The following RBM18 variants were observed in gnomAD, a reference collection of about 807,000 sequenced individuals.
RBM18 encodes probable RNA-binding protein 18.
In RBM18, 18 loss-of-function variants were observed where a neutral mutation model predicts 26.4. The ratio of observed to expected loss-of-function variants is 0.68; its 90% CI spans 0.47 to 1.01. The LOEUF is 1.01. Ranked by LOEUF, RBM18 falls within the 50% of genes least tolerant of loss-of-function variation. The pLI is 0.00. For missense variants in RBM18, 180 were observed against 219.2 expected, an observed-to-expected ratio of 0.82 and a Z score of 1.13; for synonymous variants, 74 against 81.1, an observed-to-expected ratio of 0.91 and a Z score of 0.47.
Position 122,239,126 on chromosome 9 carries a change from T to C in RBM18, c.*2758A>G, listed in dbSNP as rs993672132. On this transcript the variant is annotated 3_prime_UTR_variant, in exon 6 of 6. Coordinates refer to ENST00000417201, the MANE Select transcript of RBM18 (RefSeq NM_033117.4). ...AAAGAATCACAGATATATTTGTTGA[T>C]TCAGAAACTGTGCATATCTTAATAA... 1 of 152,240 alleles carries C rather than the reference T, an allele frequency of 6.6e-6. No homozygotes were observed. The highest frequency in any genetic ancestry group is 6.5e-5 in the Admixed American group (1 of 15,290). The allele number at this position is 152,240 out of a possible 1,614,324, so 9.4% of individuals were successfully genotyped here. A position where few individuals can be genotyped will look rare whatever the true frequency, so the allele number is the denominator to read the frequency against.
chr9:122,251,493 A>G (rs1831605573), intron 3 of RBM18, among the ~76,000 whole-genome samples: 1 of 152,226 alleles, frequency 6.6e-6, no homozygotes. Context: ...GTACCACAGG[A>G]CAAAACTACT....
intron 1 of RBM18, among the ~76,000 whole-genome samples, chr9:122,263,648 G>C (rs927842730): frequency 6.6e-6 from 1 of 152,212 alleles, no homozygotes; most frequent in African/African-American, 2.4e-5. Flanking sequence ...CAATTAAGCA[G>C]GGTGATGTGA....
chr9:122,248,134 C>T (rs1831536691), intron 3 of RBM18, among the ~76,000 whole-genome samples: 1 of 152,102 alleles, frequency 6.6e-6, no homozygotes. Context: ...CCTGGTCTGC[C>T]ATTTGCTGGC....
At chr9:122,247,785 G>GTTTTTTTTTT (rs34974193) in intron 3 of RBM18, among the ~76,000 whole-genome samples, 181 bp from the exon 4 acceptor site, 1 of 132,788 alleles carries the variant, frequency 7.5e-6, no homozygotes, top group Non-Finnish European at 1.6e-5. Flanking sequence ...TTTTTTTGTT[G>GTTTTTTTTTT]TTTTTTTTTT....
At chr9:122,251,086 TAA>T (rs1287853080) in intron 3 of RBM18, among the ~76,000 whole-genome samples, 1 of 151,802 alleles carries the variant, frequency 6.6e-6, no homozygotes, top group East Asian at 1.9e-4. Context: ...CACACATAAT[TAA>T]AAAAATTTTT....
At chr9:122,253,940 A>G (rs943053390) in intron 2 of RBM18, among the ~76,000 whole-genome samples, 2 of 151,818 alleles carry the variant, frequency 1.3e-5, no homozygotes, top group African/African-American at 2.4e-5. Context: ...AGGCAAGAGA[A>G]TCACTTGAAT....
chr9:122,251,826 A>C (rs1223035322), intron 3 of RBM18, 21 bp downstream of exon 3: 2 of 1,608,780 alleles, frequency 1.2e-6, no homozygotes, highest in South Asian at 2.2e-5. Context: ...ATATTATAAA[A>C]TGGGGAGAAA....
intron 4 of RBM18, among the ~76,000 whole-genome samples, chr9:122,247,162 T>A (rs1471535549): frequency 6.6e-6 from 1 of 152,146 alleles, no homozygotes; most frequent in East Asian, 1.9e-4. Flanking sequence ...AGTCAAAGGC[T>A]GGGAAGAGTC....
At chr9:122,242,663 G>GC (rs1831440178) in intron 5 of RBM18, among the ~76,000 whole-genome samples, 1 of 146,552 alleles carries the variant, frequency 6.8e-6, no homozygotes, top group African/African-American at 2.5e-5. Context: ...TACTTATACT[G>GC]TTTTTTTTTT....
intron 5 of RBM18, among the ~76,000 whole-genome samples, chr9:122,243,262 G>C (rs1387549021): frequency 1.3e-5 from 2 of 152,146 alleles, no homozygotes; most frequent in African/African-American, 4.8e-5. Flanking sequence ...ATGAGCCACT[G>C]CACTCGACCT....
rs1342362727 is a variant in RBM18 at position 122,240,052 on chromosome 9, C to T, written c.*1832G>A. On this transcript the variant is annotated 3_prime_UTR_variant, in exon 6 of 6. Coordinates refer to ENST00000417201, the MANE Select transcript of RBM18 (RefSeq NM_033117.4). ...TCACACAGAGGGATAAGAATCAGTACAAATAATAAACAGTGCTTTAAATAC... is the reference window on the plus strand; with the variant it reads ...TCACACAGAGGGATAAGAATCAGTATAAATAATAAACAGTGCTTTAAATAC... 1 of 152,128 alleles carries T rather than the reference C, an allele frequency of 6.6e-6. No individual in the cohort carries two copies. The highest frequency in any genetic ancestry group is 2.4e-5 in the African/African-American group (1 of 41,438). The allele number at this position is 152,128 out of a possible 1,614,324, so 9.4% of individuals were successfully genotyped here. A position where few individuals can be genotyped will look rare whatever the true frequency, so the allele number is the denominator to read the frequency against.
intron 4 of RBM18, 131 bp downstream of exon 4, chr9:122,247,387 A>G: frequency 1.4e-6 from 1 of 734,984 alleles, no homozygotes; most frequent in Admixed American, 2.1e-5. Flanking sequence ...CATGGTAGAT[A>G]CAAGTAGGAG....
At chr9:122,263,790 T>C (rs1378351463) in intron 1 of RBM18, among the ~76,000 whole-genome samples, 1 of 152,196 alleles carries the variant, frequency 6.6e-6, no homozygotes, top group Non-Finnish European at 1.5e-5. Context: ...GCTATTAATA[T>C]TTATTACCAC....
chr9:122,255,388 T>C (rs975407797), intron 2 of RBM18, among the ~76,000 whole-genome samples: 4 of 152,154 alleles, frequency 2.6e-5, no homozygotes, highest in Admixed American at 2.6e-4. Flanking sequence ...TGCATGCTCA[T>C]GCATTTATTT....
At chr9:122,251,636 C>T (rs1265735056) in intron 3 of RBM18, among the ~76,000 whole-genome samples, 2 of 152,152 alleles carry the variant, frequency 1.3e-5, no homozygotes, top group Non-Finnish European at 1.5e-5. Flanking sequence ...AGTCAGTTGC[C>T]TTAAACTTTG....
intron 4 of RBM18, among the ~76,000 whole-genome samples, chr9:122,245,830 CA>C (rs1484417378): frequency 6.7e-6 from 1 of 149,452 alleles, no homozygotes; most frequent in Non-Finnish European, 1.5e-5. Flanking sequence ...AAAAAAAAAA[CA>C]AAAAACAAAA....
chr9:122,251,862 G>A lies in RBM18; in HGVS notation c.225C>T (p.Asn75=), dbSNP rs747071973. ...GCTTAATTACCTGCTTAGTTTCAAA[G>A]TTAACAAAACAGTAGCCTCGAGGCT... ...EGQPRGYCFV[N]FETKQEAEQA... The change falls in exon 3 of 6, where the codon AAC becomes AAT. Residue 75 remains asparagine (N), a synonymous_variant. Transcript: ENST00000417201. The A allele has an allele frequency of 8.7e-6, 14 of 1,614,038 alleles. No homozygotes were observed. In the East Asian group the frequency reaches 2.7e-4, roughly 31 times the overall value.
intron 4 of RBM18, 72 bp from the exon 5 acceptor site, chr9:122,245,413 G>T: frequency 1.2e-6 from 1 of 862,514 alleles, no homozygotes; most frequent in Non-Finnish European, 2.0e-6. Flanking sequence ...GATGGGTTCA[G>T]AAACTAATAC....
intron 1 of RBM18, among the ~76,000 whole-genome samples, chr9:122,264,384 A>C (rs972609477): frequency 2.0e-5 from 3 of 152,216 alleles, no homozygotes; most frequent in Non-Finnish European, 2.9e-5. Flanking sequence ...AGACTACCAG[A>C]GTTCACAAAA....
Sources: gnomAD v4.1 joint callset for allele counts (sites outside exome capture counted in the v4.1 genomes callset) on GRCh38, gnomAD v4.1.1 for gene constraint, MANE v1.5 for transcripts, NCBI Gene and HGNC (gene_info 2026-07-23, HGNC 2026-07-21) for gene names.